MAP3K20: variants seen among roughly 807,000 people sequenced by gnomAD.
The protein encoded by MAP3K20 is mitogen-activated protein kinase kinase kinase 20, also known as HCCS-4.
Under a neutral mutation model 85.7 loss-of-function variants are expected in MAP3K20, and 40 were observed. That is an observed-to-expected ratio of 0.47 (90% CI 0.36 to 0.61). The LOEUF (loss-of-function observed/expected upper bound fraction) is 0.61. MAP3K20 is among the 20% of genes least tolerant of loss of function. The probability of loss-of-function intolerance (pLI) is 0.00; values close to 1 mark genes in which losing one functional copy is unlikely to be tolerated. For missense variants in MAP3K20, 817 were observed against 961.7 expected, an observed-to-expected ratio of 0.85 and a Z score of 1.99; for synonymous variants, 325 against 327.7, an observed-to-expected ratio of 0.99 and a Z score of 0.09.
chr2:173,075,585 G>A (rs1279036102), upstream of MAP3K20: 3 of 210,228 alleles, frequency 1.4e-5, no homozygotes, highest in Non-Finnish European at 2.5e-5. Flanking sequence ...AGGAGTAGCA[G>A]GTGGTGTTAA....
intron 1 of MAP3K20, among the ~76,000 whole-genome samples, chr2:173,085,163 C>T (rs1035090494): frequency 1.7e-4 from 26 of 152,134 alleles, no homozygotes; most frequent in Non-Finnish European, 5.9e-5. Flanking sequence ...AGGGAGAGTT[C>T]AAACTCCTAT....
intron 9 of MAP3K20, among the ~76,000 whole-genome samples, chr2:173,208,394 T>G: frequency 1.3e-5 from 1 of 75,720 alleles, no homozygotes; most frequent in African/African-American, 2.9e-5. Context: ...CAAGACTCTG[T>G]CTTAAAAAAA....
intron 3 of MAP3K20, among the ~76,000 whole-genome samples, chr2:173,176,302 AATG>A (rs1295983803): frequency 2.0e-5 from 3 of 152,108 alleles, no homozygotes; most frequent in African/African-American, 7.2e-5. Flanking sequence ...AAATAAAGAT[AATG>A]ATGAATAAAA....
intron 9 of MAP3K20, 24 bp from the exon 10 acceptor site, chr2:173,209,705 G>A: frequency 6.3e-7 from 1 of 1,586,044 alleles, no homozygotes; most frequent in African/African-American, 1.4e-5. Flanking sequence ...CCCAGCGAAT[G>A]ATTACTTATT....
intron 9 of MAP3K20, among the ~76,000 whole-genome samples, chr2:173,204,828 G>A (rs1338656293): frequency 6.6e-6 from 1 of 152,116 alleles, no homozygotes; most frequent in Admixed American, 6.5e-5. Context: ...AATAGGCTGG[G>A]CGCGGTGGCT....
intron 2 of MAP3K20, among the ~76,000 whole-genome samples, chr2:173,140,186 AT>A (rs913546296): frequency 6.6e-6 from 1 of 151,552 alleles, no homozygotes; most frequent in Non-Finnish European, 1.5e-5. Context: ...TAATTTTTGT[AT>A]TTTTAGTAGA....
intron 11 of MAP3K20, among the ~76,000 whole-genome samples, 158 bp downstream of exon 11, chr2:173,217,408 C>T (rs571526699): frequency 1.3e-5 from 2 of 152,106 alleles, no homozygotes; most frequent in African/African-American, 2.4e-5. Context: ...ACTCAAGCAG[C>T]GTTCATACCT....
At chr2:173,143,288 A>C (rs949786997) in intron 2 of MAP3K20, among the ~76,000 whole-genome samples, 1 of 152,224 alleles carries the variant, frequency 6.6e-6, no homozygotes, top group Non-Finnish European at 1.5e-5. Flanking sequence ...TTCTTAAAAG[A>C]TATAACAATC....
intron 10 of MAP3K20, chr2:173,214,145 T>C (rs986500570): frequency 3.3e-5 from 5 of 152,238 alleles, no homozygotes; most frequent in African/African-American, 1.2e-4. Flanking sequence ...TGAAATTCTT[T>C]TTAAAACTAC....
At chr2:173,225,766 A>AT (rs1051633162) in intron 11 of MAP3K20, 33 of 985,304 alleles carry the variant, frequency 3.3e-5, no homozygotes, top group Non-Finnish European at 3.9e-5. Flanking sequence ...TACGACCTGA[A>AT]TTTTGTGAGT....
chr2:173,255,508 A>T (rs1041086802), intron 16 of MAP3K20, among the ~76,000 whole-genome samples: 1 of 152,180 alleles, frequency 6.6e-6, no homozygotes, highest in African/African-American at 2.4e-5. Flanking sequence ...CAGGGTTCTG[A>T]TGGATATCCA....
intron 11 of MAP3K20, chr2:173,223,589 T>A: frequency 2.0e-6 from 2 of 985,436 alleles, no homozygotes; most frequent in African/African-American, 1.7e-5. Context: ...AAAGAGAACA[T>A]GCTTAGAATG....
chr2:173,177,118 A>G (rs1690184068), intron 3 of MAP3K20, among the ~76,000 whole-genome samples: 1 of 152,234 alleles, frequency 6.6e-6, no homozygotes, highest in Non-Finnish European at 1.5e-5. Flanking sequence ...TCCACTCTCA[A>G]TAATTGATAG....
intron 9 of MAP3K20, among the ~76,000 whole-genome samples, chr2:173,204,737 GATAATATATAGAGGTTCATTATATTGTT>G: frequency 1.3e-5 from 2 of 152,314 alleles, no homozygotes; most frequent in East Asian, 3.9e-4. Flanking sequence ...GAAGCTGAGT[GATAATATATAGAGGTTCATTATATTGTT>G]ATCTCTACTT....
intron 1 of MAP3K20, among the ~76,000 whole-genome samples, chr2:173,077,498 A>G (rs984503820): frequency 2.0e-5 from 3 of 152,110 alleles, no homozygotes; most frequent in African/African-American, 7.2e-5. Context: ...GTAAATGAAT[A>G]CGAATTTAGT....
intron 16 of MAP3K20, among the ~76,000 whole-genome samples, chr2:173,251,688 G>A (rs917918986): frequency 3.3e-5 from 5 of 152,156 alleles, no homozygotes; most frequent in Non-Finnish European, 7.3e-5. Flanking sequence ...CTGGGGTACC[G>A]TAAATACCTT....
At chr2:173,121,003 A>G (rs1377856126) in intron 2 of MAP3K20, among the ~76,000 whole-genome samples, 2 of 150,778 alleles carry the variant, frequency 1.3e-5, no homozygotes, top group Non-Finnish European at 3.0e-5. Flanking sequence ...CACTGCACCC[A>G]GCCAGGAGTC....
At chr2:173,155,771 ATGT>A (rs770357145) in intron 2 of MAP3K20, among the ~76,000 whole-genome samples, 4 of 152,068 alleles carry the variant, frequency 2.6e-5, no homozygotes, top group Non-Finnish European at 5.9e-5. Flanking sequence ...GGAGTGCAAA[ATGT>A]TGTTGTGGTA....
chr2:173,146,531 A>G (rs1315186407), intron 2 of MAP3K20, among the ~76,000 whole-genome samples: 1 of 152,182 alleles, frequency 6.6e-6, no homozygotes, highest in African/African-American at 2.4e-5. Flanking sequence ...CCTCCAAAAG[A>G]AATCCATATT....
Sources: allele counts gnomAD v4.1 joint callset (sites outside exome capture counted in the v4.1 genomes callset), GRCh38; gene constraint gnomAD v4.1.1; transcripts MANE v1.5; gene names NCBI Gene and HGNC (gene_info 2026-07-23, HGNC 2026-07-21).